Variants in SHCBP1 observed in about 807,000 individuals in gnomAD.
The protein encoded by SHCBP1 is SHC SH2 domain-binding protein 1.
Under a neutral mutation model 75.1 loss-of-function variants are expected in SHCBP1, and 60 were observed. The observed-to-expected ratio is 0.80, with a 90% confidence interval of 0.65 to 0.99. The LOEUF is 0.99. Among genes scored for constraint, SHCBP1 ranks in the 50% least tolerant of loss-of-function variants. SHCBP1 has a pLI of 0.00. For missense variants in SHCBP1, 709 were observed against 809.4 expected, an observed-to-expected ratio of 0.88 and a Z score of 1.50; for synonymous variants, 290 against 293.2, an observed-to-expected ratio of 0.99 and a Z score of 0.11.
At position 46,587,099 on chromosome 16, in the gene SHCBP1, A is replaced by T. The variant is rs1426260832; in HGVS notation, c.1465-3010T>A. On this transcript the variant is annotated intron_variant, in intron 10 of 12. Coordinates refer to ENST00000303383, the MANE Select transcript of SHCBP1 (RefSeq NM_024745.5). ...CTAAATTATGTTTGACATTTGAAAC[A>T]AAAATCATAAAATTCTCTAATATGG... Among the ~76,000 whole-genome samples the T allele has an allele frequency of 2.6e-5, 4 of 152,276 alleles. No individual in the cohort carries two copies. In the East Asian group the frequency reaches 7.7e-4, roughly 29 times the overall value.
intron 3 of SHCBP1, 142 bp downstream of exon 3, chr16:46,617,492 A>G: frequency 2.1e-6 from 1 of 466,168 alleles, no homozygotes; most frequent in East Asian, 3.6e-5. Context: ...AACACTTCCT[A>G]CAACATGGCA....
Position 46,595,680 on chromosome 16 carries a change from A to C in SHCBP1, c.1346-10T>G, listed in dbSNP as rs1965126741. On this transcript the variant is annotated splice_polypyrimidine_tract_variant and intron_variant, in intron 9 of 12. Transcript: ENST00000303383. ...TTACCACGGTGAACAACTGGGATGAAAATACACGCTGACTGTTTTAAGAAG... is the reference window on the plus strand; with the variant it reads ...TTACCACGGTGAACAACTGGGATGACAATACACGCTGACTGTTTTAAGAAG... The C allele has an allele frequency of 1.3e-6, 2 of 1,596,338 alleles. No individual in the cohort carries two copies. The highest frequency in any genetic ancestry group is 2.7e-5 in the African/African-American group (2 of 74,588).
intron 10 of SHCBP1, 30 bp from the exon 11 acceptor site, chr16:46,584,119 T>C (rs1315056447): frequency 6.5e-7 from 1 of 1,532,820 alleles, no homozygotes; most frequent in African/African-American, 1.4e-5. Context: ...ATAATGACAA[T>C]CAGTTTTTAA....
Position 46,578,858 on chromosome 16 carries a change from A to G in SHCBP1, c.*2871T>C, listed in dbSNP as rs1345458241. On this transcript the variant is annotated 3_prime_UTR_variant, in exon 13 of 13. Transcript: ENST00000303383. ...AAAAACAGCAAACTGAATTACAAAG[A>G]AACATGAACGACACGGTTCTTATGA... 6.6e-6 allele frequency among the ~76,000 whole-genome samples: 1 copy of G among 152,196 alleles called. No individual in the cohort carries two copies. Among genetic ancestry groups the G allele is most frequent in the Non-Finnish European group, 1.5e-5 (1 of 68,032 alleles).
chr16:46,593,237 T>G (rs1410160242), intron 10 of SHCBP1, among the ~76,000 whole-genome samples: 4 of 152,000 alleles, frequency 2.6e-5, no homozygotes, highest in Non-Finnish European at 5.9e-5. Context: ...ACAAAAACAT[T>G]CCTATAAGTG....
Position 46,595,624 on chromosome 16 carries a change from A to AT in SHCBP1, c.1391_1392insA (p.Cys464Ter). 1 of 1,614,168 alleles carries AT rather than the reference A, an allele frequency of 6.2e-7. No homozygotes were observed. The highest frequency in any genetic ancestry group is 1.1e-5 in the South Asian group (1 of 91,074). Residue 464 changes from cysteine (C) to a stop codon, truncating the protein, a stop_gained and frameshift_variant, in exon 10 of 13, where the codon TGT (cysteine) becomes TGAT (stop). Transcript: ENST00000303383. LOFTEE classifies it high-confidence loss of function. ...TCCGCACTGTGACTCCGGTCGTCTC[A>AT]CACTGCAGCACACAGTTTTCCAGCG... ...KTTLENCVLQ[C>*]ETTGVTVRTS...
rs776119732 is a variant in SHCBP1 at position 46,621,331 on chromosome 16, C to A, written c.29G>T (p.Gly10Val). 2.5e-6 allele frequency: 4 copies of A among 1,611,426 alleles called. No homozygotes were observed. In the Admixed American group the frequency reaches 6.7e-5, roughly 27 times the overall value. ...CGGCGCCATGGCCGCTGCCTCCAGA[C>A]CGCCGCCCGTCAGCGACCCGTCAGC... MADGSLTGG[G>V]LEAAAMAPER... The change falls in exon 1 of 13, where the codon GGT becomes GTT. Residue 10 changes from glycine to valine, a missense_variant. Physicochemically the swap from Gly to Val is moderately radical, Grantham distance 109. Transcript: ENST00000303383.
chr16:46,589,258 T>G (rs1319088832), intron 10 of SHCBP1, among the ~76,000 whole-genome samples: 1 of 152,080 alleles, frequency 6.6e-6, no homozygotes, highest in Non-Finnish European at 1.5e-5. Flanking sequence ...TTGAAAACTG[T>G]CACACAAGAC....
intron 5 of SHCBP1, among the ~76,000 whole-genome samples, chr16:46,605,890 G>A (rs1229173374): frequency 6.6e-6 from 1 of 150,496 alleles, no homozygotes; most frequent in East Asian, 1.9e-4. Flanking sequence ...TCAAGTAAGT[G>A]AATTAGGTGA....
At chr16:46,591,342 C>T (rs1467502330) in intron 10 of SHCBP1, among the ~76,000 whole-genome samples, 2 of 151,978 alleles carry the variant, frequency 1.3e-5, no homozygotes, top group Non-Finnish European at 2.9e-5. Flanking sequence ...AAAGACATAT[C>T]ATGCAAACAA....
intron 1 of SHCBP1, among the ~76,000 whole-genome samples, chr16:46,619,564 C>T (rs1021585863): frequency 1.3e-5 from 2 of 152,210 alleles, no homozygotes. Context: ...GATAATAGTA[C>T]ATCCACTTCA....
intron 8 of SHCBP1, among the ~76,000 whole-genome samples, chr16:46,600,874 G>A (rs1965225241): frequency 6.6e-6 from 1 of 151,370 alleles, no homozygotes; most frequent in South Asian, 2.1e-4. Flanking sequence ...TTAGCCGAGT[G>A]TGGCATGTGC....
intron 11 of SHCBP1, 150 bp downstream of exon 11, chr16:46,583,853 C>T (rs940211917): frequency 1.1e-6 from 1 of 895,298 alleles, no homozygotes; most frequent in Non-Finnish European, 1.7e-6. Context: ...AGCATTCTCA[C>T]AAGAGATTCC....
chr16:46,594,185 T>C (rs746391195), intron 10 of SHCBP1, among the ~76,000 whole-genome samples: 60 of 152,142 alleles, frequency 3.9e-4, no homozygotes, highest in Non-Finnish European at 7.2e-4. Context: ...TCAGGATCTA[T>C]GGCTAGGCAG....
At chr16:46,598,182 A>G (rs1965172770) in intron 9 of SHCBP1, among the ~76,000 whole-genome samples, 1 of 152,166 alleles carries the variant, frequency 6.6e-6, no homozygotes, top group South Asian at 2.1e-4. Flanking sequence ...CATGAATCAC[A>G]AATGTTCTTA....
At chr16:46,590,156 C>A (rs1253554631) in intron 10 of SHCBP1, among the ~76,000 whole-genome samples, 2 of 152,092 alleles carry the variant, frequency 1.3e-5, no homozygotes, top group South Asian at 2.1e-4. Context: ...TTACACCTTA[C>A]AAAAATTAAT....
intron 9 of SHCBP1, among the ~76,000 whole-genome samples, chr16:46,598,783 C>T (rs1965184783): frequency 6.6e-6 from 1 of 152,268 alleles, no homozygotes; most frequent in South Asian, 2.1e-4. Context: ...GTTATTTCAT[C>T]TACACTGAAA....
Position 46,578,867 on chromosome 16 carries a change from C to A in SHCBP1, c.*2862G>T, listed in dbSNP as rs990037579. On this transcript the variant is annotated 3_prime_UTR_variant, in exon 13 of 13. Coordinates refer to ENST00000303383, the MANE Select transcript of SHCBP1 (RefSeq NM_024745.5). ...AAACTGAATTACAAAGAAACATGAA[C>A]GACACGGTTCTTATGAGCTCATCAG... is the stretch of plus-strand genomic sequence containing the variant. 1.3e-5 allele frequency among the ~76,000 whole-genome samples: 2 copies of A among 152,040 alleles called. No individual in the cohort carries two copies. The highest frequency in any genetic ancestry group is 2.9e-5 in the Non-Finnish European group (2 of 68,006).
At chr16:46,589,857 G>A (rs1326237464) in intron 10 of SHCBP1, among the ~76,000 whole-genome samples, 9 of 152,086 alleles carry the variant, frequency 5.9e-5, no homozygotes, top group Admixed American at 1.3e-4. Context: ...AGCCCACATC[G>A]CCAAGACAAT....
Sources: gnomAD v4.1 joint callset for allele counts (sites outside exome capture counted in the v4.1 genomes callset) on GRCh38, gnomAD v4.1.1 for gene constraint, MANE v1.5 for transcripts, NCBI Gene and HGNC (gene_info 2026-07-23, HGNC 2026-07-21) for gene names.